Variants in CABLES1 observed in about 807,000 individuals in gnomAD.
CABLES1 encodes the protein CDK5 and ABL1 enzyme substrate 1.
In CABLES1, 36 loss-of-function variants were observed where a neutral mutation model predicts 57.8. The ratio of observed to expected loss-of-function variants is 0.62; its 90% CI spans 0.48 to 0.82. The LOEUF (loss-of-function observed/expected upper bound fraction) is 0.82. Among genes scored for constraint, CABLES1 ranks in the 40% least tolerant of loss-of-function variants. The probability of loss-of-function intolerance (pLI) is 0.00; values close to 1 mark genes in which losing one functional copy is unlikely to be tolerated. For missense variants in CABLES1, 767 were observed against 836.6 expected, an observed-to-expected ratio of 0.92 and a Z score of 1.03; for synonymous variants, 374 against 363.0, an observed-to-expected ratio of 1.03 and a Z score of -0.35.
chr18:23,153,461 C>T (rs1289341598), intron 1 of CABLES1, among the ~76,000 whole-genome samples: 3 of 151,890 alleles, frequency 2.0e-5, no homozygotes, highest in African/African-American at 7.2e-5. Flanking sequence ...GGGCTGGGTG[C>T]AGTGGCTCAT....
intron 1 of CABLES1, among the ~76,000 whole-genome samples, chr18:23,157,610 A>T (rs1240843186): frequency 4.6e-5 from 7 of 152,218 alleles, no homozygotes; most frequent in Admixed American, 2.0e-4. Flanking sequence ...GAGTGCCTTA[A>T]ATGATGGAAT....
At chr18:23,243,957 C>G (rs1214244328) in intron 7 of CABLES1, among the ~76,000 whole-genome samples, 1 of 149,974 alleles carries the variant, frequency 6.7e-6, no homozygotes, top group Non-Finnish European at 1.5e-5. Context: ...ATGTATTTGT[C>G]TCAGATTTTT....
intron 1 of CABLES1, among the ~76,000 whole-genome samples, chr18:23,161,572 GC>G (rs1280806867): frequency 2.2e-4 from 33 of 150,060 alleles, no homozygotes; most frequent in African/African-American, 7.6e-4. Flanking sequence ...GGAGTTTGAG[GC>G]CTAACATACG....
intron 1 of CABLES1, among the ~76,000 whole-genome samples, chr18:23,145,170 CAG>C: frequency 6.6e-6 from 1 of 152,278 alleles, no homozygotes; most frequent in East Asian, 1.9e-4. Context: ...CTCCTGAACT[CAG>C]ATGATCTGCC....
At chr18:23,248,097 G>T (rs536061537) in intron 7 of CABLES1, among the ~76,000 whole-genome samples, 1 of 152,234 alleles carries the variant, frequency 6.6e-6, no homozygotes, top group Non-Finnish European at 1.5e-5. Flanking sequence ...GGCCTGGCGC[G>T]CTCTGCCACC....
rs1425496196 is a variant in CABLES1 at position 23,175,941 on chromosome 18, T to TA, written c.846-12888dup. ...CTGTCAGGTTGGAGATGAATAAATG[T>TA]AAAAAAAAAGAATAAAGTCAACCAA... On this transcript the variant is annotated intron_variant, in intron 1 of 9. Coordinates refer to ENST00000256925, the MANE Select transcript of CABLES1 (RefSeq NM_001100619.3). Among the ~76,000 whole-genome samples, 37 of 151,352 alleles carry TA rather than the reference T, an allele frequency of 2.4e-4. No individual in the cohort carries two copies. The South Asian group carries it at 3.8e-3, about 15-fold the overall frequency.
rs76425510 is a variant in CABLES1, at chr18:23,205,726, C to A, written c.1011-8251C>A. On this transcript the variant is annotated intron_variant, in intron 3 of 9. Transcript: ENST00000256925. The stretch of plus-strand genomic sequence containing the variant: ...AGGAAATTGAAGCCAGGTGTCGTGG[C>A]TCACATCTATAGTCCCAGCAATTCT... 9.3e-3 allele frequency among the ~76,000 whole-genome samples: 1,421 copies of A among 152,180 alleles called. 66 individuals are homozygous for A. The East Asian group carries it at 0.13, about 14-fold the overall frequency.
rs142366076 is a variant in CABLES1, at chr18:23,137,880, A to G, written c.845+1273A>G. ...AGCAGCCTCATAAGTGCATGGATGAATTAGCGACACTGGGCACAGGTGACA... is the reference window on the plus strand; with the variant it reads ...AGCAGCCTCATAAGTGCATGGATGAGTTAGCGACACTGGGCACAGGTGACA... On this transcript the variant is annotated intron_variant, in intron 1 of 9. Coordinates refer to ENST00000256925, the MANE Select transcript of CABLES1 (RefSeq NM_001100619.3). Among the ~76,000 whole-genome samples, 96 of 152,264 alleles carry G rather than the reference A, an allele frequency of 6.3e-4. 2 individuals carry two copies. The East Asian group carries it at 0.012, about 19-fold the overall frequency.
chr18:23,204,769 G>A (rs184554761), intron 3 of CABLES1: 1 of 152,494 alleles, frequency 6.6e-6, no homozygotes, highest in Non-Finnish European at 1.5e-5. Context: ...GCAGGCAAGA[G>A]AGAATGAAAG....
chr18:23,197,441 T>G (rs1037882696), intron 3 of CABLES1: 12 of 152,278 alleles, frequency 7.9e-5, no homozygotes, highest in African/African-American at 2.9e-4. Context: ...GGCGTCTGAA[T>G]TCCGTGAGTC....
chr18:23,219,225 T>C (rs1306037543), intron 4 of CABLES1: 1 of 454,122 alleles, frequency 2.2e-6, no homozygotes, highest in Admixed American at 2.3e-5. Context: ...GTGTGGAGCC[T>C]ACTCTCCGTG....
chr18:23,147,724 C>T (rs931585989), intron 1 of CABLES1, among the ~76,000 whole-genome samples: 13 of 152,296 alleles, frequency 8.5e-5, no homozygotes, highest in Middle Eastern at 3.4e-3. Context: ...CAAAATAAAG[C>T]AAGGTAGGGG....
At chr18:23,243,053 A>G (rs2047775273) in intron 7 of CABLES1, among the ~76,000 whole-genome samples, 1 of 150,264 alleles carries the variant, frequency 6.7e-6, no homozygotes, top group Admixed American at 6.7e-5. Context: ...ATTTAATAAC[A>G]TACTCATATA....
Position 23,136,264 on chromosome 18 carries a change from A to G in CABLES1, c.502A>G (p.Ser168Gly). The G allele has an allele frequency of 7.5e-7, 1 of 1,332,116 alleles. No individual in the cohort carries two copies. The highest frequency in any genetic ancestry group is 2.1e-5 in the South Asian group (1 of 46,578). The allele number at this position is 1,332,116 out of a possible 1,614,324, so 82.5% of individuals were successfully genotyped here. ...SGPGVARGFA[S>G]PLGAGRASGE... is the part of the protein sequence containing the mutation. ...CCCCGGGGTGGCGCGGGGGTTCGCGAGTCCCCTGGGCGCCGGCCGGGCGTC... is the reference window on the plus strand; with the variant it reads ...CCCCGGGGTGGCGCGGGGGTTCGCGGGTCCCCTGGGCGCCGGCCGGGCGTC... Residue 168 changes from serine (S) to glycine (G), a missense_variant, in exon 1 of 10, where the codon AGT (serine) becomes GGT (glycine). Around this residue, in one of 4 missense-constraint regions of CABLES1, gnomAD observed 529 missense variants for 622.8 expected, o/e 0.85. Transcript: ENST00000256925.
chr18:23,175,518 A>T (rs539510461), intron 1 of CABLES1, among the ~76,000 whole-genome samples: 1 of 152,078 alleles, frequency 6.6e-6, no homozygotes, highest in African/African-American at 2.4e-5. Flanking sequence ...TTACTTTGTC[A>T]CCCAGGCTGG....
chr18:23,151,627 G>A (rs893143978), intron 1 of CABLES1, among the ~76,000 whole-genome samples: 4 of 152,172 alleles, frequency 2.6e-5, no homozygotes, highest in Non-Finnish European at 5.9e-5. Flanking sequence ...GTCACAGAGC[G>A]GGGACAGCCT....
chr18:23,191,059 T>G (rs1426202480), intron 2 of CABLES1, among the ~76,000 whole-genome samples: 1 of 140,076 alleles, frequency 7.1e-6, no homozygotes, highest in African/African-American at 2.7e-5. Flanking sequence ...TCCTGGGCAA[T>G]GTAGTGAGAC....
At chr18:23,153,483 C>T (rs186113642) in intron 1 of CABLES1, among the ~76,000 whole-genome samples, 216 of 152,126 alleles carry the variant, frequency 1.4e-3, no homozygotes, top group African/African-American at 4.6e-3. Context: ...CCTGTAATCC[C>T]GGCACTTTGG....
intron 1 of CABLES1, among the ~76,000 whole-genome samples, chr18:23,149,250 A>G (rs139931016): frequency 5.3e-4 from 80 of 151,436 alleles, no homozygotes; most frequent in African/African-American, 1.8e-3. Flanking sequence ...AGATAAATCA[A>G]CCTGTACTCA....
Sources: allele counts gnomAD v4.1 joint callset (sites outside exome capture counted in the v4.1 genomes callset), GRCh38; gene constraint gnomAD v4.1.1; regional missense constraint gnomAD v4.1.1; transcripts MANE v1.5; gene names NCBI Gene and HGNC (gene_info 2026-07-23, HGNC 2026-07-21).